CAMTA1: variants seen among roughly 807,000 people sequenced by gnomAD.
The protein encoded by CAMTA1 is calmodulin binding transcription activator 1, also known as calmodulin-binding transcription activator 1.
A neutral mutation model predicts 170.9 loss-of-function variants in CAMTA1; 27 were observed. The ratio of observed to expected loss-of-function variants is 0.16; its 90% CI spans 0.12 to 0.22. CAMTA1 has a LOEUF of 0.22. Among genes scored for constraint, CAMTA1 ranks in the 10% least tolerant of loss-of-function variants. CAMTA1 has a pLI of 1.00. For missense variants in CAMTA1, 1,619 were observed against 2,217.2 expected (o/e 0.73, Z 5.42); for synonymous variants, 833 against 891.5 (o/e 0.93, Z 1.17).
chr1:7,137,995 T>A (rs1645640415), intron 4 of CAMTA1, among the ~76,000 whole-genome samples: 1 of 152,188 alleles, frequency 6.6e-6, no homozygotes, highest in African/African-American at 2.4e-5. Context: ...TATTTATTTA[T>A]TTTTTTGAGA....
intron 5 of CAMTA1, among the ~76,000 whole-genome samples, chr1:7,344,922 G>A (rs1004228416): frequency 6.7e-6 from 1 of 149,032 alleles, no homozygotes; most frequent in Non-Finnish European, 1.5e-5. Context: ...AATTTTTTTT[G>A]TATTTTTTTT....
At chr1:7,327,902 A>C (rs371445660) in intron 5 of CAMTA1, among the ~76,000 whole-genome samples, 2 of 152,066 alleles carry the variant, frequency 1.3e-5, no homozygotes, top group East Asian at 3.8e-4. Flanking sequence ...TCATTATTTC[A>C]AGATTGTTTT....
intron 4 of CAMTA1, among the ~76,000 whole-genome samples, chr1:7,125,684 G>A (rs1644889683): frequency 2.0e-5 from 3 of 152,172 alleles, no homozygotes; most frequent in Admixed American, 6.5e-5. Flanking sequence ...GCCCCGGGGC[G>A]ACTGGGGGCT....
intron 6 of CAMTA1, among the ~76,000 whole-genome samples, chr1:7,512,715 G>A (rs916442868): frequency 1.3e-5 from 2 of 152,220 alleles, no homozygotes; most frequent in African/African-American, 4.8e-5. Flanking sequence ...AACATAGAGA[G>A]TGGGGAAGGA....
intron 3 of CAMTA1, among the ~76,000 whole-genome samples, chr1:6,955,843 C>A (rs74051070): frequency 0.02 from 2,980 of 152,224 alleles, 93 homozygotes; most frequent in African/African-American, 0.067. Flanking sequence ...CCATCCTGCA[C>A]CATGCCCAGC....
At chr1:7,112,460 G>A (rs959824449) in intron 4 of CAMTA1, among the ~76,000 whole-genome samples, 17 of 152,318 alleles carry the variant, frequency 1.1e-4, no homozygotes, top group Admixed American at 1.1e-3. Flanking sequence ...AGAGGATGAA[G>A]CACTAAATGA....
At chr1:6,856,478 C>T (rs1160188805) in intron 3 of CAMTA1, among the ~76,000 whole-genome samples, 1 of 151,848 alleles carries the variant, frequency 6.6e-6, no homozygotes, top group Non-Finnish European at 1.5e-5. Flanking sequence ...GCTGATAGGA[C>T]AGTCAGTCAT....
intron 4 of CAMTA1, among the ~76,000 whole-genome samples, chr1:7,103,835 T>TACACACGTACACACA (rs1241512707): frequency 1.1e-4 from 2 of 17,514 alleles, no homozygotes; most frequent in African/African-American, 1.7e-3. Context: ...CACACACAAC[T>TACACACGTACACACA]ACACACATGT....
chr1:7,679,952 T>G (rs1292876094), intron 11 of CAMTA1, among the ~76,000 whole-genome samples: 5 of 152,224 alleles, frequency 3.3e-5, no homozygotes, highest in Non-Finnish European at 7.3e-5. Flanking sequence ...CCCACCTGGC[T>G]GGGGAGAAGC....
chr1:7,103,687 CAG>C (rs1322227164), intron 4 of CAMTA1, among the ~76,000 whole-genome samples: 2 of 149,678 alleles, frequency 1.3e-5, no homozygotes, highest in Non-Finnish European at 3.0e-5. Context: ...ATGCACACAA[CAG>C]ATACAACTAC....
chr1:7,257,055 C>T (rs774923431), intron 5 of CAMTA1, among the ~76,000 whole-genome samples: 2 of 144,438 alleles, frequency 1.4e-5, no homozygotes, highest in Non-Finnish European at 3.0e-5. Context: ...CAAAGCCCCA[C>T]TTCCACATAC....
rs2095250706 is a variant in CAMTA1, at chr1:7,580,491, T to C, written c.511-59909T>C. ...TGCCCCACTTTGGGCATGGAAGACATCATGGAGACCTCAGAGACACACAGC... is the reference window on the plus strand; with the variant it reads ...TGCCCCACTTTGGGCATGGAAGACACCATGGAGACCTCAGAGACACACAGC... On this transcript the variant is annotated intron_variant, in intron 6 of 22. Coordinates refer to ENST00000303635, the MANE Select transcript of CAMTA1 (RefSeq NM_015215.4). The surrounding 1 kb of genome is among the most constrained non-coding windows in gnomAD (Gnocchi z 4.3). Among the ~76,000 whole-genome samples the C allele has an allele frequency of 6.6e-6, 1 of 152,012 alleles. No homozygotes were observed. Among genetic ancestry groups the C allele is most frequent in the Non-Finnish European group, 1.5e-5 (1 of 67,970 alleles).
At chr1:7,669,882 T>A (rs747860132) in intron 9 of CAMTA1, among the ~76,000 whole-genome samples, 4 of 152,208 alleles carry the variant, frequency 2.6e-5, no homozygotes, top group Non-Finnish European at 4.4e-5. Context: ...CAAGGTGCCG[T>A]CCACCTCGCA....
At chr1:6,943,590 T>C (rs981030969) in intron 3 of CAMTA1, among the ~76,000 whole-genome samples, 1 of 152,078 alleles carries the variant, frequency 6.6e-6, no homozygotes, top group Non-Finnish European at 1.5e-5. Flanking sequence ...GGCTCACACC[T>C]GTAATCCCAG....
In CAMTA1 at chr1:7,198,879, A is replaced by T. The variant is rs576818523; in HGVS notation, c.303-50612A>T. Among the ~76,000 whole-genome samples, 4 of 152,262 alleles carry T rather than the reference A, an allele frequency of 2.6e-5. No individual in the cohort carries two copies. In the East Asian group the frequency reaches 7.8e-4, roughly 30 times the overall value. ...TCTGCAGGCAGGGAGCCCCGCGGGC[A>T]ACGCTGGATGCAGGCAGGAGCACAC... On this transcript the variant is annotated intron_variant, in intron 4 of 22. Transcript: ENST00000303635.
chr1:7,720,768 A>G (rs1225487556), intron 11 of CAMTA1, among the ~76,000 whole-genome samples: 1 of 152,214 alleles, frequency 6.6e-6, no homozygotes, highest in East Asian at 1.9e-4. Flanking sequence ...TGAAGAAGTC[A>G]CCTCATACCC....
intron 6 of CAMTA1, among the ~76,000 whole-genome samples, chr1:7,567,106 A>G (rs1227163369): frequency 3.9e-5 from 6 of 152,180 alleles, no homozygotes; most frequent in African/African-American, 1.2e-4. Context: ...TCAAGTGTGG[A>G]TAATAACTCC....
At chr1:7,305,915 G>A (rs935744580) in intron 5 of CAMTA1, among the ~76,000 whole-genome samples, 8 of 151,982 alleles carry the variant, frequency 5.3e-5, no homozygotes, top group African/African-American at 1.9e-4. Flanking sequence ...AATGGTTAAC[G>A]ATGTTGAACA....
intron 5 of CAMTA1, among the ~76,000 whole-genome samples, chr1:7,292,846 T>C (rs1406547618): frequency 1.3e-5 from 2 of 152,164 alleles, no homozygotes; most frequent in Non-Finnish European, 2.9e-5. Context: ...AGACAACTGA[T>C]CCCATGCCAC....
Sources: allele counts gnomAD v4.1 joint callset (sites outside exome capture counted in the v4.1 genomes callset), GRCh38; gene constraint gnomAD v4.1.1; non-coding constraint Gnocchi (gnomAD v3.1); transcripts MANE v1.5; gene names NCBI Gene and HGNC (gene_info 2026-07-23, HGNC 2026-07-21).